IQCM: variants seen among roughly 807,000 people sequenced by gnomAD.
IQCM encodes IQ domain-containing protein M.
IQCM carries 45 observed loss-of-function variants against 57.6 expected under a neutral mutation model. That is an observed-to-expected ratio of 0.78 (90% CI 0.62 to 1.00). IQCM has a LOEUF of 1.00. IQCM is among the 50% of genes least tolerant of loss of function. IQCM has a pLI of 0.00. For synonymous variants in IQCM, 148 were observed against 158.9 expected, an observed-to-expected ratio of 0.93 and a Z score of 0.51; for missense variants, 468 against 511.6, an observed-to-expected ratio of 0.91 and a Z score of 0.82.
chr4:149,722,880 G>A (rs1315373610), intron 5 of IQCM, among the ~76,000 whole-genome samples: 1 of 151,978 alleles, frequency 6.6e-6, no homozygotes, highest in Non-Finnish European at 1.5e-5. Flanking sequence ...GGATTGTTTT[G>A]AGTAGTATGG....
chr4:149,697,993 AT>A (rs1763465038), intron 5 of IQCM, among the ~76,000 whole-genome samples: 1 of 152,138 alleles, frequency 6.6e-6, no homozygotes, highest in Non-Finnish European at 1.5e-5. Context: ...AAATGAAATA[AT>A]TTATTAGTGT....
intron 5 of IQCM, among the ~76,000 whole-genome samples, chr4:149,721,043 T>A (rs951450408): frequency 1.3e-5 from 2 of 152,150 alleles, no homozygotes; most frequent in African/African-American, 4.8e-5. Context: ...TTGCTGCATG[T>A]TTGTATGTAT....
intron 13 of IQCM, among the ~76,000 whole-genome samples, chr4:149,381,689 G>A (rs1282510001): frequency 6.6e-6 from 1 of 151,944 alleles, no homozygotes; most frequent in Non-Finnish European, 1.5e-5. Flanking sequence ...CCCCTAGGAT[G>A]CCCTATCCCT....
Position 149,659,365 on chromosome 4 carries a change from C to T in IQCM, c.565+22753G>A, listed in dbSNP as rs200927134. On this transcript the variant is annotated intron_variant, in intron 7 of 13. Coordinates refer to ENST00000636793, the MANE Select transcript of IQCM (RefSeq NM_001363507.2). ...CAAATGGAAGAACATTCCATACTCA[C>T]GGGTAGGAAGAATCAATATCATGAA... is the stretch of plus-strand genomic sequence containing the variant. Among the ~76,000 whole-genome samples the T allele has an allele frequency of 2.8e-4, 43 of 152,116 alleles. No homozygotes were observed. In the East Asian group the frequency reaches 7.2e-3, roughly 25 times the overall value.
intron 8 of IQCM, among the ~76,000 whole-genome samples, chr4:149,592,384 A>G (rs1753281321): frequency 6.6e-6 from 1 of 152,038 alleles, no homozygotes; most frequent in Non-Finnish European, 1.5e-5. Flanking sequence ...TAGATTGCAA[A>G]ACTTTTCTCC....
chr4:149,731,278 G>T (rs1271225650), intron 5 of IQCM, among the ~76,000 whole-genome samples: 2 of 152,096 alleles, frequency 1.3e-5, no homozygotes, highest in Admixed American at 6.5e-5. Flanking sequence ...TCAGAGAGCT[G>T]CTAGCCCTTT....
At chr4:149,588,382 G>A (rs1374061354) in intron 8 of IQCM, among the ~76,000 whole-genome samples, 4 of 151,654 alleles carry the variant, frequency 2.6e-5, no homozygotes, top group African/African-American at 7.3e-5. Flanking sequence ...GGAAAATATG[G>A]GTAGAAAAAT....
chr4:149,775,648 A>C (rs569389863), intron 2 of IQCM, among the ~76,000 whole-genome samples: 31 of 145,608 alleles, frequency 2.1e-4, no homozygotes, highest in African/African-American at 7.1e-4. Context: ...TTATAGATAC[A>C]TCTCTTAAAT....
At chr4:149,415,655 G>GA (rs1457179575) in intron 13 of IQCM, among the ~76,000 whole-genome samples, 1 of 151,642 alleles carries the variant, frequency 6.6e-6, no homozygotes, top group East Asian at 1.9e-4. Flanking sequence ...ACCAAAATTG[G>GA]AAAAAAGGAG....
chr4:149,526,648 T>A (rs1377887878), intron 12 of IQCM, among the ~76,000 whole-genome samples: 2 of 151,976 alleles, frequency 1.3e-5, no homozygotes, highest in Admixed American at 1.3e-4. Context: ...AAATATACTA[T>A]AATGATAAAA....
chr4:149,367,301 T>C (rs1729912610), intron 13 of IQCM, among the ~76,000 whole-genome samples: 1 of 152,016 alleles, frequency 6.6e-6, no homozygotes, highest in South Asian at 2.1e-4. Flanking sequence ...AAAACACCAG[T>C]AATTCACTTC....
chr4:149,748,540 T>A (rs180750965), intron 2 of IQCM, among the ~76,000 whole-genome samples: 202 of 152,310 alleles, frequency 1.3e-3, no homozygotes, highest in Middle Eastern at 6.8e-3. Flanking sequence ...TTTGACTCTC[T>A]TAATGGGTAA....
chr4:149,646,195 C>T (rs1386862610), intron 7 of IQCM, among the ~76,000 whole-genome samples: 4 of 152,112 alleles, frequency 2.6e-5, no homozygotes. Flanking sequence ...TTTATCGAGG[C>T]TTAATAATTC....
intron 3 of IQCM, chr4:149,737,818 C>T (rs1767080497): frequency 6.6e-6 from 1 of 152,210 alleles, no homozygotes; most frequent in African/African-American, 2.4e-5. Flanking sequence ...CAAGCTATTC[C>T]TAGGTGTGAC....
At chr4:149,629,110 C>T (rs752265842) in intron 7 of IQCM, among the ~76,000 whole-genome samples, 1 of 152,166 alleles carries the variant, frequency 6.6e-6, no homozygotes, top group Non-Finnish European at 1.5e-5. Flanking sequence ...CACCAATATA[C>T]TCAGTTCTCA....
intron 12 of IQCM, among the ~76,000 whole-genome samples, chr4:149,452,217 T>C (rs901395939): frequency 4.6e-5 from 7 of 151,640 alleles, no homozygotes; most frequent in African/African-American, 1.2e-4. Flanking sequence ...TGGGGAGATA[T>C]GTCATATACA....
intron 8 of IQCM, among the ~76,000 whole-genome samples, chr4:149,591,640 C>A (rs1015554697): frequency 6.6e-6 from 1 of 152,020 alleles, no homozygotes; most frequent in African/African-American, 2.4e-5. Context: ...GTGTGATGTT[C>A]CCCACCCTGT....
rs1774791484 is a variant in IQCM at position 149,813,608 on chromosome 4, G to C, written c.-49+1703C>G. ...GGCAGATAGAAACCTAAAATAAGGA[G>C]ACTGGATAAAAGCTATCTGAGAAGT... On this transcript the variant is annotated intron_variant, in intron 2 of 13. Coordinates refer to ENST00000636793, the MANE Select transcript of IQCM (RefSeq NM_001363507.2). 3.3e-5 allele frequency among the ~76,000 whole-genome samples: 5 copies of C among 152,040 alleles called. No individual in the cohort carries two copies. The South Asian group carries it at 8.3e-4, about 25-fold the overall frequency.
chr4:149,358,034 G>A (rs1429882059), intron 13 of IQCM, among the ~76,000 whole-genome samples: 1 of 152,166 alleles, frequency 6.6e-6, no homozygotes, highest in Non-Finnish European at 1.5e-5. Flanking sequence ...TATTTGCGTA[G>A]AGATGTTTAT....
Sources: gnomAD v4.1 joint callset for allele counts (sites outside exome capture counted in the v4.1 genomes callset) on GRCh38, gnomAD v4.1.1 for gene constraint, MANE v1.5 for transcripts, NCBI Gene and HGNC (gene_info 2026-07-23, HGNC 2026-07-21) for gene names.